Variants in SCGN observed in about 807,000 individuals in gnomAD.
The protein encoded by SCGN is secretagogin.
SCGN carries 30 observed loss-of-function variants against 39.7 expected under a neutral mutation model. The observed-to-expected ratio is 0.76, with a 90% CI of 0.57 to 1.03. The LOEUF (loss-of-function observed/expected upper bound fraction) is 1.03, where lower values mean the gene tolerates loss of function less well. Ranked by LOEUF, SCGN falls within the 50% of genes least tolerant of loss-of-function variation. The probability of loss-of-function intolerance (pLI) is 0.00; values close to 1 mark genes in which losing one functional copy is unlikely to be tolerated. For missense variants in SCGN, 353 were observed against 349.4 expected, an observed-to-expected ratio of 1.01 and a Z score of -0.08; for synonymous variants, 106 against 114.1, an observed-to-expected ratio of 0.93 and a Z score of 0.45.
At chr6:25,653,336 G>T (rs753411351) in intron 1 of SCGN, 46 bp from the exon 2 acceptor site, 1 of 1,229,788 alleles carries the variant, frequency 8.1e-7, no homozygotes, top group East Asian at 2.5e-5. Flanking sequence ...ACTGTCATGT[G>T]TTTTTTATAT....
At chr6:25,678,170 G>T (rs1759590019) in intron 6 of SCGN, among the ~76,000 whole-genome samples, 1 of 152,092 alleles carries the variant, frequency 6.6e-6, no homozygotes. Flanking sequence ...TCTCAAAAAT[G>T]TGTGGATGGA....
chr6:25,672,493 C>T (rs1056948127), intron 6 of SCGN, among the ~76,000 whole-genome samples: 1 of 152,050 alleles, frequency 6.6e-6, no homozygotes, highest in South Asian at 2.1e-4. Flanking sequence ...CAGGGTGGCC[C>T]CTCTGAGAAG....
intron 2 of SCGN, 24 bp from the exon 3 acceptor site, chr6:25,661,527 TG>T: frequency 6.4e-7 from 1 of 1,551,260 alleles, no homozygotes. Flanking sequence ...GTGGCTTTAA[TG>T]TGGCTCTGTT....
At chr6:25,701,122 T>A in intron 10 of SCGN, 85 bp from the exon 11 acceptor site, 2 of 1,471,160 alleles carry the variant, frequency 1.4e-6, no homozygotes, top group Non-Finnish European at 1.8e-6. Context: ...CAGGACACCC[T>A]AAGCTTAGGG....
chr6:25,686,178 G>A (rs767645034), intron 7 of SCGN, among the ~76,000 whole-genome samples: 2 of 152,138 alleles, frequency 1.3e-5, no homozygotes, highest in African/African-American at 2.4e-5. Context: ...TATGAATAAC[G>A]TTGCTACATG....
chr6:25,693,819 G>A (rs1013863835), intron 10 of SCGN, among the ~76,000 whole-genome samples: 1 of 152,174 alleles, frequency 6.6e-6, no homozygotes, highest in Non-Finnish European at 1.5e-5. Flanking sequence ...TAAGAATTCG[G>A]ATTCTAGGCT....
intron 9 of SCGN, among the ~76,000 whole-genome samples, chr6:25,690,371 G>C (rs1263632448): frequency 6.6e-6 from 1 of 152,126 alleles, no homozygotes; most frequent in Admixed American, 6.5e-5. Flanking sequence ...GAGAGTGCCT[G>C]ACAAGTACTA....
intron 1 of SCGN, 93 bp from the exon 2 acceptor site, chr6:25,653,289 T>C (rs1760166255): frequency 1.1e-6 from 1 of 886,212 alleles, no homozygotes; most frequent in African/African-American, 1.7e-5. Context: ...GAGGGAAGCT[T>C]TATGAATTGT....
chr6:25,665,210 C>T (rs1449902421), intron 4 of SCGN, among the ~76,000 whole-genome samples, 178 bp downstream of exon 4: 2 of 152,112 alleles, frequency 1.3e-5, no homozygotes, highest in Non-Finnish European at 2.9e-5. Flanking sequence ...CCCCAGTGTT[C>T]GCTCAGTATT....
chr6:25,691,176 C>A, intron 10 of SCGN, 52 bp downstream of exon 10: 1 of 1,343,866 alleles, frequency 7.4e-7, no homozygotes, highest in Non-Finnish European at 1.1e-6. Flanking sequence ...TTGATTTATT[C>A]CATTGTTTAT....
chr6:25,684,509 C>A (rs567125241), intron 7 of SCGN, among the ~76,000 whole-genome samples: 1 of 152,222 alleles, frequency 6.6e-6, no homozygotes, highest in South Asian at 2.1e-4. Context: ...ATGTCCACGT[C>A]TTAGGCTGGG....
chr6:25,679,653 T>G (rs1417468757), intron 6 of SCGN, among the ~76,000 whole-genome samples: 1 of 152,120 alleles, frequency 6.6e-6, no homozygotes, highest in Non-Finnish European at 1.5e-5. Flanking sequence ...GGAAAATAGA[T>G]AGAAATGAAC....
chr6:25,680,004 C>T (rs193167956), intron 6 of SCGN, among the ~76,000 whole-genome samples: 72 of 152,132 alleles, frequency 4.7e-4, no homozygotes, highest in Admixed American at 1.1e-3. Flanking sequence ...TCTTAAACAA[C>T]CTACTTCAAT....
chr6:25,655,169 A>C (rs1426042206), intron 2 of SCGN, among the ~76,000 whole-genome samples: 1 of 152,164 alleles, frequency 6.6e-6, no homozygotes, highest in Non-Finnish European at 1.5e-5. Flanking sequence ...AACCATTCAA[A>C]ATCTTGGAAT....
intron 7 of SCGN, among the ~76,000 whole-genome samples, chr6:25,686,487 A>G (rs547803771): frequency 6.6e-6 from 1 of 152,126 alleles, no homozygotes; most frequent in African/African-American, 2.4e-5. Context: ...GGCAATTTGT[A>G]TGTCTTCTTT....
chr6:25,665,363 G>C (rs1327955326), intron 4 of SCGN, among the ~76,000 whole-genome samples: 1 of 152,176 alleles, frequency 6.6e-6, no homozygotes, highest in African/African-American at 2.4e-5. Context: ...TGCCCCATCT[G>C]AAGCCAATAT....
At chr6:25,689,124 C>A in intron 7 of SCGN, 48 bp from the exon 8 acceptor site, 1 of 1,367,500 alleles carries the variant, frequency 7.3e-7, no homozygotes, top group Non-Finnish European at 1.0e-6. Context: ...TTTCGTATAA[C>A]TGAGAGCTGA....
chr6:25,690,343 G>T (rs1263199315), intron 9 of SCGN, among the ~76,000 whole-genome samples: 1 of 152,152 alleles, frequency 6.6e-6, no homozygotes, highest in Non-Finnish European at 1.5e-5. Context: ...AATGAATTCA[G>T]GTTTATAAAG....
At chr6:25,655,886 A>C (rs1266829528) in intron 2 of SCGN, among the ~76,000 whole-genome samples, 2 of 152,176 alleles carry the variant, frequency 1.3e-5, no homozygotes, top group East Asian at 3.9e-4. Flanking sequence ...TCTCATGAGC[A>C]CTTGGCTGGG....
Sources: allele counts gnomAD v4.1 joint callset (sites outside exome capture counted in the v4.1 genomes callset), GRCh38; gene constraint gnomAD v4.1.1; transcripts MANE v1.5; gene names NCBI Gene and HGNC (gene_info 2026-07-23, HGNC 2026-07-21).